CBLB: variants seen among roughly 807,000 people sequenced by gnomAD.
CBLB encodes Cbl proto-oncogene B.
CBLB carries 31 observed loss-of-function variants against 104.9 expected under a neutral mutation model. That is an observed-to-expected ratio of 0.30 (90% CI 0.22 to 0.40). The LOEUF (loss-of-function observed/expected upper bound fraction) is 0.40. CBLB is among the 10% of genes least tolerant of loss of function. CBLB has a pLI of 1.00. For missense variants in CBLB, 1,062 were observed against 1,214.6 expected (o/e 0.87, Z 1.87); for synonymous variants, 440 against 422.6 (o/e 1.04, Z -0.51).
chr3:105,663,906 G>GAAA (rs60125170), intron 18 of CBLB, among the ~76,000 whole-genome samples: 35,222 of 142,682 alleles, frequency 0.25, 4,518 homozygotes, highest in Non-Finnish European at 0.27. Context: ...AGCTTATTAG[G>GAAA]AAAAAAAAAA....
At chr3:105,665,438 TATATAC>T (rs1311487741) in intron 18 of CBLB, among the ~76,000 whole-genome samples, 3,982 of 79,724 alleles carry the variant, frequency 0.05, 63 homozygotes, top group Non-Finnish European at 0.07. Context: ...TATATATATA[TATATAC>T]ACACACACAC....
chr3:105,714,456 C>T (rs2071548114), intron 10 of CBLB, among the ~76,000 whole-genome samples: 1 of 152,078 alleles, frequency 6.6e-6, no homozygotes, highest in Admixed American at 6.6e-5. Flanking sequence ...TAGACAGTCC[C>T]ATCTAGGGGT....
At chr3:105,835,380 T>C (rs532827927) in intron 3 of CBLB, among the ~76,000 whole-genome samples, 8 of 152,060 alleles carry the variant, frequency 5.3e-5, no homozygotes, top group Non-Finnish European at 7.4e-5. Flanking sequence ...AAATTAGAAA[T>C]GATCACCATA....
intron 3 of CBLB, among the ~76,000 whole-genome samples, chr3:105,786,410 C>T (rs1019820650): frequency 2.6e-5 from 4 of 152,136 alleles, no homozygotes; most frequent in Non-Finnish European, 1.5e-5. Context: ...ACTGCAATGT[C>T]TCCGGTACTC....
intron 3 of CBLB, among the ~76,000 whole-genome samples, chr3:105,810,685 C>T (rs1355505158): frequency 6.6e-6 from 1 of 151,992 alleles, no homozygotes; most frequent in African/African-American, 2.4e-5. Flanking sequence ...TGTCATGTTT[C>T]TATAATTATA....
intron 10 of CBLB, among the ~76,000 whole-genome samples, chr3:105,711,061 T>G (rs945393285): frequency 3.3e-5 from 5 of 151,996 alleles, no homozygotes; most frequent in African/African-American, 9.7e-5. Context: ...AGATCCATTA[T>G]TATGGAAATG....
At chr3:105,828,128 C>T (rs1038334427) in intron 3 of CBLB, among the ~76,000 whole-genome samples, 3 of 152,166 alleles carry the variant, frequency 2.0e-5, no homozygotes, top group African/African-American at 7.2e-5. Flanking sequence ...GACTCATAAC[C>T]CTGTTCACAT....
At chr3:105,733,220 G>T (rs1484150463) in intron 9 of CBLB, among the ~76,000 whole-genome samples, 1 of 151,954 alleles carries the variant, frequency 6.6e-6, no homozygotes, top group Non-Finnish European at 1.5e-5. Flanking sequence ...AGCTGGGCAC[G>T]GTGGCGGGCA....
At chr3:105,690,212 G>A (rs2067503792) in intron 13 of CBLB, among the ~76,000 whole-genome samples, 1 of 152,190 alleles carries the variant, frequency 6.6e-6, no homozygotes, top group South Asian at 2.1e-4. Flanking sequence ...AGAAGTGTAT[G>A]TTTGGTAGGA....
At chr3:105,866,410 T>A (rs12633175) in intron 2 of CBLB, among the ~76,000 whole-genome samples, 3,392 of 152,318 alleles carry the variant, frequency 0.022, 77 homozygotes, top group East Asian at 0.12. Context: ...AAATTTGTTT[T>A]TAAAACCTCC....
At chr3:105,709,837 C>G (rs1460870959) in intron 10 of CBLB, among the ~76,000 whole-genome samples, 2 of 151,792 alleles carry the variant, frequency 1.3e-5, no homozygotes, top group East Asian at 3.9e-4. Flanking sequence ...GATGGTAAAA[C>G]CAATTTATTC....
At chr3:105,745,837 G>T in intron 6 of CBLB, 80 bp downstream of exon 6, 1 of 1,340,518 alleles carries the variant, frequency 7.5e-7, no homozygotes, top group Non-Finnish European at 1.1e-6. Context: ...AGCGGGTATT[G>T]CTGACTTACT....
intron 7 of CBLB, among the ~76,000 whole-genome samples, chr3:105,738,973 G>A (rs2075253415): frequency 1.3e-5 from 2 of 152,110 alleles, no homozygotes; most frequent in African/African-American, 2.4e-5. Context: ...GCAGTGGCAC[G>A]ATGTTGTCAC....
At position 105,716,275 on chromosome 3, in the gene CBLB, T is replaced by C. The variant is rs560102290; in HGVS notation, c.1407+3772A>G. Among the ~76,000 whole-genome samples, 3 of 152,202 alleles carry C rather than the reference T, an allele frequency of 2.0e-5. No homozygotes were observed. In the South Asian group the frequency reaches 6.2e-4, roughly 32 times the overall value. ...TGTATATATATATTTAGTATTCAGGTTGGAACAAAGTTTAAAATATGCATA... is the reference window on the plus strand; with the variant it reads ...TGTATATATATATTTAGTATTCAGGCTGGAACAAAGTTTAAAATATGCATA... On this transcript the variant is annotated intron_variant, in intron 10 of 18. Transcript: ENST00000394030.
chr3:105,868,322 C>G, intron 1 of CBLB: 1 of 832,704 alleles, frequency 1.2e-6, no homozygotes, highest in Non-Finnish European at 1.6e-6. Context: ...CTGCCCTCAA[C>G]CCAAAGCTTT....
At chr3:105,714,384 A>G (rs2071536322) in intron 10 of CBLB, among the ~76,000 whole-genome samples, 1 of 152,214 alleles carries the variant, frequency 6.6e-6, no homozygotes, top group South Asian at 2.1e-4. Context: ...ATATAATGAA[A>G]TAATTATAAA....
At chr3:105,686,876 C>G (rs1339301304) in intron 13 of CBLB, among the ~76,000 whole-genome samples, 1 of 152,086 alleles carries the variant, frequency 6.6e-6, no homozygotes, top group Non-Finnish European at 1.5e-5. Context: ...GTGTCACTAC[C>G]TACAGCACAA....
chr3:105,840,138 G>A (rs1188654254), intron 3 of CBLB, among the ~76,000 whole-genome samples: 1 of 152,176 alleles, frequency 6.6e-6, no homozygotes, highest in African/African-American at 2.4e-5. Context: ...TTCAGCATCT[G>A]TAAAATGAGC....
At chr3:105,834,309 T>C (rs1302227754) in intron 3 of CBLB, among the ~76,000 whole-genome samples, 1 of 152,202 alleles carries the variant, frequency 6.6e-6, no homozygotes. Flanking sequence ...CCACAATGTA[T>C]ACATATACAG....
Sources: allele counts gnomAD v4.1 joint callset (sites outside exome capture counted in the v4.1 genomes callset), GRCh38; gene constraint gnomAD v4.1.1; transcripts MANE v1.5; gene names NCBI Gene and HGNC (gene_info 2026-07-23, HGNC 2026-07-21).